The following UBA52 variants were observed in gnomAD, a reference collection of about 807,000 sequenced individuals.
UBA52 encodes ubiquitin-ribosomal protein eL40 fusion protein.
UBA52 carries 1 observed loss-of-function variant against 15.3 expected under a neutral mutation model. That is an observed-to-expected ratio of 0.07 (90% CI 0.02 to 0.31). The LOEUF is 0.31. UBA52 is among the 10% of genes least tolerant of loss of function. The probability of loss-of-function intolerance (pLI) is 1.00; values close to 1 mark genes in which losing one functional copy is unlikely to be tolerated. For synonymous variants in UBA52, 50 were observed against 58.3 expected, an observed-to-expected ratio of 0.86 and a Z score of 0.65; for missense variants, 87 against 168.0, an observed-to-expected ratio of 0.52 and a Z score of 2.66.
chr19:18,572,591 A>C (rs1359642263), intron 1 of UBA52: 2 of 160,918 alleles, frequency 1.2e-5, no homozygotes, highest in African/African-American at 2.4e-5. Flanking sequence ...CGGCCTTCCA[A>C]AGTGCTGGGA....
upstream of UBA52, among the ~76,000 whole-genome samples, chr19:18,568,065 C>T (rs959422606): frequency 2.0e-5 from 3 of 152,034 alleles, no homozygotes; most frequent in Non-Finnish European, 2.9e-5. Context: ...GTCGGGAGTT[C>T]GATACCAGCC....
the UBA52 span, among the ~76,000 whole-genome samples, chr19:18,565,378 T>C: frequency 4.6e-5 from 7 of 151,874 alleles, no homozygotes; most frequent in Admixed American, 1.3e-4. Context: ...TACAGGTGCC[T>C]ACCACCACGC....
At chr19:18,568,417 C>A, upstream of UBA52, 2 of 1,613,680 alleles carry the variant, frequency 1.2e-6, no homozygotes, top group Non-Finnish European at 1.7e-6. Context: ...CCAGAGGCAT[C>A]CTTCCTGGAG....
At position 18,577,413 on chromosome 19, in the gene UBA52, C is replaced by T. The variant is rs143239553; in HGVS notation, c.*2263C>T. 1 of 152,274 alleles carries T rather than the reference C, an allele frequency of 6.6e-6. No homozygotes were observed. The highest frequency in any genetic ancestry group is 2.4e-5 in the African/African-American group (1 of 41,558). 9.4% of individuals were successfully genotyped at this position (152,274 alleles called of 1,614,324 possible). On this transcript the variant is annotated 3_prime_UTR_variant, in exon 5 of 5. Transcript: ENST00000442744. ...GCAACCCTTCTGGGTCCCCTTCCAG[C>T]ATGTGGAAGCTTTCCTTTCGCTTCA...
In UBA52 at chr19:18,575,262, C is replaced by G. The variant is rs558225515; in HGVS notation, c.*112C>G. Reference sequence around the variant, plus strand: ...AGCAATTGGTGTCCTCATGGCTGATCTGTCCAGGGAGGTGGCTGAAGAGTG... The same window carrying G: ...AGCAATTGGTGTCCTCATGGCTGATGTGTCCAGGGAGGTGGCTGAAGAGTG... On this transcript the variant is annotated 3_prime_UTR_variant, in exon 5 of 5. Transcript: ENST00000442744. 5.3e-6 allele frequency: 7 copies of G among 1,326,984 alleles called. No individual in the cohort carries two copies. The African/African-American group carries it at 7.3e-5, about 14-fold the overall frequency. The allele number at this position is 1,326,984 out of a possible 1,614,324, so 82.2% of individuals were successfully genotyped here. A position where few individuals can be genotyped will look rare whatever the true frequency, so the allele number is the denominator to read the frequency against.
Position 18,574,940 on chromosome 19 carries a change from G to A in UBA52, c.261G>A (p.Gln87=). Residue 87 remains glutamine, a synonymous_variant, in exon 4 of 5, where the codon CAG becomes CAA. Coordinates refer to ENST00000442744, the MANE Select transcript of UBA52 (RefSeq NM_001033930.3). ...IIEPSLRQLA[Q]KYNCDKMICR... The stretch of plus-strand genomic sequence containing the variant: ...AGCCTTCTCTCCGCCAGCTTGCCCA[G>A]AAATACAACTGCGACAAGATGATCT... 6.2e-7 allele frequency: 1 copy of A among 1,614,176 alleles called. No homozygotes were observed. Among genetic ancestry groups the A allele is most frequent in the Non-Finnish European group, 8.5e-7 (1 of 1,180,036 alleles).
chr19:18,568,350 T>A, upstream of UBA52: 1 of 1,363,442 alleles, frequency 7.3e-7, no homozygotes, highest in Non-Finnish European at 1.0e-6. Flanking sequence ...AAGTCCTACA[T>A]CACAGAGCTT....
chr19:18,565,486 C>T, the UBA52 span, among the ~76,000 whole-genome samples: 3 of 151,964 alleles, frequency 2.0e-5, no homozygotes, highest in African/African-American at 7.3e-5. Context: ...GCCGCCTTGG[C>T]CTCCCAAAGT....
At chr19:18,573,115 G>A in intron 1 of UBA52, 178 bp from the exon 2 acceptor site, 1 of 1,172,500 alleles carries the variant, frequency 8.5e-7, no homozygotes, top group African/African-American at 1.5e-5. Flanking sequence ...ACAGGCCAGG[G>A]TGTGTGAGAA....
At chr19:18,565,145 C>A in the UBA52 span, 23 of 1,488,460 alleles carry the variant, frequency 1.5e-5, no homozygotes, top group Non-Finnish European at 1.9e-5. Flanking sequence ...CTTCACTGCG[C>A]ACTTAAGTGT....
At position 18,575,141 on chromosome 19, in the gene UBA52, G is replaced by A. The variant is rs1351651389; in HGVS notation, c.378G>A (p.Lys126=). 2.5e-6 allele frequency: 4 copies of A among 1,614,160 alleles called. No homozygotes were observed. Among genetic ancestry groups the A allele is most frequent in the Non-Finnish European group, 2.5e-6 (3 of 1,180,030 alleles). The change falls in exon 5 of 5, where the codon AAG becomes AAA. Residue 126 remains lysine, a synonymous_variant. Transcript: ENST00000442744. The part of the protein sequence containing the change: ...GHTNNLRPKK[K]VK ...CCAACAACCTGCGTCCCAAGAAGAA[G>A]GTCAAATAAGGTGGTTCTTTCCTTG...
chr19:18,564,273 G>A, the UBA52 span, among the ~76,000 whole-genome samples: 1 of 152,072 alleles, frequency 6.6e-6, no homozygotes, highest in Non-Finnish European at 1.5e-5. Context: ...GACCCTCCTG[G>A]CCCTATGGTG....
upstream of UBA52, among the ~76,000 whole-genome samples, chr19:18,568,055 G>T (rs557806986): frequency 1.3e-5 from 2 of 152,274 alleles, no homozygotes; most frequent in Non-Finnish European, 1.5e-5. Context: ...ATCACCTGAG[G>T]TCGGGAGTTC....
chr19:18,568,295 T>A, upstream of UBA52: 638 of 677,388 alleles, frequency 9.4e-4, no homozygotes, highest in Non-Finnish European at 1.5e-3. Flanking sequence ...GGTCAAGTCA[T>A]ACCCCCATGG....
upstream of UBA52, among the ~76,000 whole-genome samples, chr19:18,570,604 CG>C (rs1443295048): frequency 6.6e-6 from 1 of 150,790 alleles, no homozygotes; most frequent in Non-Finnish European, 1.5e-5. Context: ...CTCCACCTCC[CG>C]GATTCAAGCG....
Position 18,571,879 on chromosome 19 carries a change from G to C in UBA52, c.-39G>C, listed in dbSNP as rs1765836285. 1 of 153,034 alleles carries C rather than the reference G, an allele frequency of 6.5e-6. No homozygotes were observed. The highest frequency in any genetic ancestry group is 2.4e-5 in the African/African-American group (1 of 41,494). 9.5% of individuals were successfully genotyped at this position (153,034 alleles called of 1,614,324 possible). A position where few individuals can be genotyped will look rare whatever the true frequency, so the allele number is the denominator to read the frequency against. On this transcript the variant is annotated 5_prime_UTR_variant, in exon 1 of 5. Transcript: ENST00000442744. ...TATCTTCTTTTTCTTCAGCGAGGCGGCCGAGCTGGTTGGTGGCGGCGGTCG... is the reference window on the plus strand; with the variant it reads ...TATCTTCTTTTTCTTCAGCGAGGCGCCCGAGCTGGTTGGTGGCGGCGGTCG...
At chr19:18,573,981 T>C (rs924006820) in intron 3 of UBA52, among the ~76,000 whole-genome samples, 2 of 114,282 alleles carry the variant, frequency 1.8e-5, no homozygotes, top group African/African-American at 5.1e-5. Context: ...TGAAATCCCG[T>C]TTCTATTAAA....
At chr19:18,567,227 C>T (rs1225323381), upstream of UBA52, 1 of 1,596,042 alleles carries the variant, frequency 6.3e-7, no homozygotes, top group Non-Finnish European at 8.6e-7. Context: ...GCACTCTCCA[C>T]CCAGGGCAGG....
chr19:18,568,853 C>G (rs1299691186), upstream of UBA52: 5 of 563,412 alleles, frequency 8.9e-6, no homozygotes. Context: ...TGCAAGACCC[C>G]TCTGCCATGC....
Sources: gnomAD v4.1 joint callset for allele counts (sites outside exome capture counted in the v4.1 genomes callset) on GRCh38, gnomAD v4.1.1 for gene constraint, MANE v1.5 for transcripts, NCBI Gene and HGNC (gene_info 2026-07-23, HGNC 2026-07-21) for gene names.